Variants in SNAP25 observed in about 807,000 individuals in gnomAD.
SNAP25 encodes synaptosomal-associated protein 25.
In SNAP25, 3 loss-of-function variants were observed where a neutral mutation model predicts 28.7. The observed-to-expected ratio is 0.10, with a 90% CI of 0.05 to 0.27. The LOEUF is 0.27. SNAP25 is among the 10% of genes least tolerant of loss of function. SNAP25 has a pLI of 1.00. For synonymous variants in SNAP25, 61 were observed against 88.1 expected (o/e 0.69, Z 1.72); for missense variants, 117 against 278.7 (o/e 0.42, Z 4.13).
intron 4 of SNAP25, among the ~76,000 whole-genome samples, chr20:10,285,547 C>A (rs996171939): frequency 2.6e-5 from 4 of 151,972 alleles, no homozygotes; most frequent in African/African-American, 7.3e-5. Context: ...AAGTTTTTTT[C>A]TTTTTATTCA....
intron 1 of SNAP25, among the ~76,000 whole-genome samples, chr20:10,267,766 G>T (rs912878089): frequency 2.6e-5 from 4 of 152,184 alleles, no homozygotes; most frequent in African/African-American, 9.7e-5. Flanking sequence ...TGGCCAGGAT[G>T]GTCTCTAGCT....
intron 5 of SNAP25, among the ~76,000 whole-genome samples, chr20:10,295,711 C>T (rs1461887913): frequency 6.6e-6 from 1 of 151,944 alleles, no homozygotes; most frequent in East Asian, 1.9e-4. Flanking sequence ...GAAAATGGGA[C>T]CAAAGAATGT....
intron 1 of SNAP25, among the ~76,000 whole-genome samples, chr20:10,252,546 T>C (rs2063249029): frequency 6.6e-6 from 1 of 152,350 alleles, no homozygotes; most frequent in African/African-American, 2.4e-5. Context: ...ATTACTTTTA[T>C]TGTAGTGATG....
chr20:10,305,764 T>G (rs763060299), intron 7 of SNAP25, among the ~76,000 whole-genome samples: 4 of 152,136 alleles, frequency 2.6e-5, no homozygotes, highest in Non-Finnish European at 2.9e-5. Context: ...TAATTCAACT[T>G]GGTCCAACAG....
At chr20:10,263,835 C>A (rs184633993) in intron 1 of SNAP25, among the ~76,000 whole-genome samples, 1 of 152,158 alleles carries the variant, frequency 6.6e-6, no homozygotes, top group Admixed American at 6.5e-5. Flanking sequence ...CAGTAGCACT[C>A]TGTAAATATT....
chr20:10,222,078 C>G (rs1250170277), intron 1 of SNAP25, among the ~76,000 whole-genome samples: 1 of 152,206 alleles, frequency 6.6e-6, no homozygotes, highest in Non-Finnish European at 1.5e-5. Flanking sequence ...TCAGCAAGTA[C>G]CAACCTGATA....
chr20:10,295,868 T>C (rs894235987), intron 5 of SNAP25, among the ~76,000 whole-genome samples: 11 of 152,304 alleles, frequency 7.2e-5, no homozygotes, highest in African/African-American at 2.6e-4. Flanking sequence ...TTTAAGTCTT[T>C]TCTCCAAGGC....
At chr20:10,275,281 A>G (rs1026543909) in intron 1 of SNAP25, 148 bp from the exon 2 acceptor site, 137 of 345,282 alleles carry the variant, frequency 4.0e-4, no homozygotes, top group Non-Finnish European at 4.2e-5. Context: ...AAACAGCACA[A>G]TTCTGTTGAC....
At chr20:10,229,496 A>G (rs2062789105) in intron 1 of SNAP25, among the ~76,000 whole-genome samples, 1 of 152,122 alleles carries the variant, frequency 6.6e-6, no homozygotes, top group Admixed American at 6.5e-5. Context: ...CTGTGCTCCT[A>G]AGCTGCATTC....
intron 1 of SNAP25, among the ~76,000 whole-genome samples, chr20:10,239,878 C>T (rs1438139573): frequency 1.3e-5 from 2 of 152,150 alleles, no homozygotes; most frequent in Non-Finnish European, 1.5e-5. Flanking sequence ...GGGGAGGCAG[C>T]AGCAAGAACC....
At chr20:10,261,507 T>C (rs1215913139) in intron 1 of SNAP25, among the ~76,000 whole-genome samples, 1 of 152,118 alleles carries the variant, frequency 6.6e-6, no homozygotes, top group Non-Finnish European at 1.5e-5. Flanking sequence ...AGCAATGAAT[T>C]CCCCAGCATA....
chr20:10,226,120 C>T (rs1390604533), intron 1 of SNAP25, among the ~76,000 whole-genome samples: 1 of 152,098 alleles, frequency 6.6e-6, no homozygotes, highest in Non-Finnish European at 1.5e-5. Context: ...CAGTGAATTT[C>T]TTAAATTTCC....
chr20:10,292,772 T>G, intron 4 of SNAP25: 1 of 719,328 alleles, frequency 1.4e-6, no homozygotes, highest in Non-Finnish European at 2.4e-6. Context: ...TCTTGGACAA[T>G]GCATTGTAAT....
At chr20:10,243,074 C>G (rs1313986890) in intron 1 of SNAP25, among the ~76,000 whole-genome samples, 1 of 152,174 alleles carries the variant, frequency 6.6e-6, no homozygotes, top group South Asian at 2.1e-4. Context: ...CTGGCTTTAC[C>G]GTTCAGCTGT....
At chr20:10,292,161 T>G (rs1001791616) in intron 4 of SNAP25, among the ~76,000 whole-genome samples, 2 of 152,148 alleles carry the variant, frequency 1.3e-5, no homozygotes, top group Non-Finnish European at 2.9e-5. Flanking sequence ...ATTATAGACT[T>G]GGAAATCAGG....
intron 1 of SNAP25, among the ~76,000 whole-genome samples, chr20:10,223,906 T>A (rs1255140529): frequency 6.6e-6 from 1 of 152,164 alleles, no homozygotes; most frequent in East Asian, 1.9e-4. Flanking sequence ...TAGTATTAGA[T>A]CACATTTAGT....
At chr20:10,249,337 G>C (rs1056207171) in intron 1 of SNAP25, among the ~76,000 whole-genome samples, 1 of 152,152 alleles carries the variant, frequency 6.6e-6, no homozygotes, top group African/African-American at 2.4e-5. Context: ...TCCACATGCT[G>C]ATACTGAAGT....
At chr20:10,238,461 T>C (rs2062962482) in intron 1 of SNAP25, among the ~76,000 whole-genome samples, 1 of 152,302 alleles carries the variant, frequency 6.6e-6, no homozygotes, top group East Asian at 1.9e-4. Flanking sequence ...TGGCAGCTCC[T>C]GCAGTCTCAG....
At chr20:10,251,166 G>A (rs551409849) in intron 1 of SNAP25, among the ~76,000 whole-genome samples, 32 of 152,164 alleles carry the variant, frequency 2.1e-4, no homozygotes, top group Non-Finnish European at 4.0e-4. Flanking sequence ...CTTTCTGCAT[G>A]GTAGGCACTC....
Sources: gnomAD v4.1 joint callset for allele counts (sites outside exome capture counted in the v4.1 genomes callset) on GRCh38, gnomAD v4.1.1 for gene constraint, MANE v1.5 for transcripts, NCBI Gene and HGNC (gene_info 2026-07-23, HGNC 2026-07-21) for gene names.